DZIP1L: variants seen among roughly 807,000 people sequenced by gnomAD.
DZIP1L encodes DAZ interacting zinc finger protein 1 like, also known as cilium assembly protein DZIP1L.
Under a neutral mutation model 88.7 loss-of-function variants are expected in DZIP1L, and 90 were observed. That is an observed-to-expected ratio of 1.02 (90% CI 0.86 to 1.21). The LOEUF (loss-of-function observed/expected upper bound fraction) is 1.21. Ranked by LOEUF, DZIP1L falls within the 50% of genes most tolerant of loss-of-function variation. DZIP1L has a pLI of 0.00. For missense variants in DZIP1L, 932 were observed against 955.8 expected (o/e 0.98, Z 0.33); for synonymous variants, 363 against 372.1 (o/e 0.98, Z 0.28).
intron 14 of DZIP1L, among the ~76,000 whole-genome samples, chr3:138,066,059 A>G (rs1942884394): frequency 1.3e-5 from 2 of 152,312 alleles, no homozygotes; most frequent in South Asian, 4.1e-4. Flanking sequence ...AAAAGGGCAA[A>G]GAGCTTTCCT....
At chr3:138,071,500 G>T in intron 12 of DZIP1L, 143 bp downstream of exon 12, 2 of 935,316 alleles carry the variant, frequency 2.1e-6, no homozygotes, top group Non-Finnish European at 3.1e-6. Context: ...TCAGTCCCCT[G>T]TAAGGACCCT....
In DZIP1L at chr3:138,115,443, G is replaced by T. The variant is rs531248749; in HGVS notation, c.-197C>A. ...CACCGCCCCAGACAGCCCAGAGATG[G>T]TTCCCGGAATGCTCACCGCCCGCCG... On this transcript the variant is annotated 5_prime_UTR_variant, in exon 1 of 16. Transcript: ENST00000327532. 2 of 152,452 alleles carry T rather than the reference G, an allele frequency of 1.3e-5. No individual in the cohort carries two copies. Among genetic ancestry groups the T allele is most frequent in the South Asian group, 2.1e-4 (1 of 4,836 alleles). The allele number at this position is 152,452 out of a possible 1,614,324, so 9.4% of individuals were successfully genotyped here.
intron 12 of DZIP1L, among the ~76,000 whole-genome samples, chr3:138,070,726 A>G (rs2724708): frequency 0.78 from 118,570 of 152,154 alleles, 47,041 homozygotes; most frequent in Non-Finnish European, 0.87. Context: ...GAAGAGCTCA[A>G]ATCGGTTCTT....
chr3:138,102,294 A>C, intron 2 of DZIP1L: 1 of 1,417,036 alleles, frequency 7.1e-7, no homozygotes, highest in South Asian at 1.1e-5. Flanking sequence ...CTCCAGCTCT[A>C]CCTTATTCAT....
At chr3:138,088,973 T>C (rs1220649659) in intron 5 of DZIP1L, 18 of 985,480 alleles carry the variant, frequency 1.8e-5, no homozygotes, top group Non-Finnish European at 2.2e-5. Flanking sequence ...GAGTCATCAA[T>C]ACCTAGTGAT....
intron 12 of DZIP1L, chr3:138,069,210 C>T (rs566781590): frequency 9.6e-6 from 6 of 627,800 alleles, no homozygotes; most frequent in Non-Finnish European, 1.2e-5. Flanking sequence ...TATGATGATC[C>T]ACTTCCCCTT....
intron 9 of DZIP1L, 49 bp from the exon 10 acceptor site, chr3:138,080,669 C>T: frequency 6.3e-7 from 1 of 1,599,050 alleles, no homozygotes; most frequent in Non-Finnish European, 8.5e-7. Context: ...GGACCCCATC[C>T]CTGACTAGAA....
chr3:138,070,508 T>C (rs1331757166), intron 12 of DZIP1L, among the ~76,000 whole-genome samples: 1 of 152,206 alleles, frequency 6.6e-6, no homozygotes, highest in Non-Finnish European at 1.5e-5. Context: ...AAAATGACAA[T>C]GCTTTTAAGC....
intron 7 of DZIP1L, among the ~76,000 whole-genome samples, chr3:138,085,583 C>T (rs1576465123): frequency 6.6e-6 from 1 of 152,154 alleles, no homozygotes; most frequent in East Asian, 1.9e-4. Flanking sequence ...GTTAGAATGG[C>T]GATCATTAAA....
At chr3:138,112,694 C>G (rs1210278117) in intron 1 of DZIP1L, among the ~76,000 whole-genome samples, 2 of 152,266 alleles carry the variant, frequency 1.3e-5, no homozygotes, top group Admixed American at 6.5e-5. Context: ...CGCCTGTAAT[C>G]CCAGCACTTT....
chr3:138,110,144 T>C (rs1307555853), intron 1 of DZIP1L, among the ~76,000 whole-genome samples: 1 of 152,162 alleles, frequency 6.6e-6, no homozygotes, highest in East Asian at 1.9e-4. Flanking sequence ...TTGCTTTTGG[T>C]GTTTTAGTCA....
At chr3:138,083,801 G>A (rs1943786506) in intron 8 of DZIP1L, among the ~76,000 whole-genome samples, 1 of 152,216 alleles carries the variant, frequency 6.6e-6, no homozygotes, top group Non-Finnish European at 1.5e-5. Context: ...TGCCTACCTT[G>A]AAGGATAGTA....
intron 2 of DZIP1L, among the ~76,000 whole-genome samples, chr3:138,098,926 A>G (rs112434626): frequency 2.0e-5 from 3 of 152,184 alleles, no homozygotes; most frequent in African/African-American, 7.2e-5. Flanking sequence ...TGGGCGGATC[A>G]CTTGAGCCCA....
intron 11 of DZIP1L, among the ~76,000 whole-genome samples, chr3:138,074,089 G>A (rs1943294280): frequency 6.6e-6 from 1 of 152,152 alleles, no homozygotes; most frequent in Non-Finnish European, 1.5e-5. Flanking sequence ...AAGAATAATT[G>A]TTATTCCCAA....
At chr3:138,085,972 T>C (rs1053041777) in intron 7 of DZIP1L, among the ~76,000 whole-genome samples, 6 of 151,916 alleles carry the variant, frequency 3.9e-5, no homozygotes, top group African/African-American at 1.5e-4. Flanking sequence ...ATGGATGAAA[T>C]TGGAAATCAT....
At chr3:138,108,821 T>C (rs1313491858) in intron 1 of DZIP1L, among the ~76,000 whole-genome samples, 5 of 152,248 alleles carry the variant, frequency 3.3e-5, no homozygotes, top group Admixed American at 1.3e-4. Context: ...ACATGTGTGA[T>C]GATAAATGGC....
At chr3:138,078,911 G>A (rs1943528214) in intron 10 of DZIP1L, among the ~76,000 whole-genome samples, 1 of 152,206 alleles carries the variant, frequency 6.6e-6, no homozygotes, top group African/African-American at 2.4e-5. Flanking sequence ...CTTCCTGGGT[G>A]ATTCTTAATG....
chr3:138,095,140 G>A (rs1944411186), intron 3 of DZIP1L, among the ~76,000 whole-genome samples, 157 bp from the exon 4 acceptor site: 3 of 152,194 alleles, frequency 2.0e-5, no homozygotes, highest in South Asian at 4.1e-4. Context: ...CTGTCCCTCT[G>A]TTTCCCCAAA....
chr3:138,081,429 A>C (rs150642081), intron 9 of DZIP1L, among the ~76,000 whole-genome samples: 3 of 152,326 alleles, frequency 2.0e-5, no homozygotes, highest in African/African-American at 7.2e-5. Context: ...CATTCGCTGC[A>C]GGCATGGTGA....
Sources: allele counts gnomAD v4.1 joint callset (sites outside exome capture counted in the v4.1 genomes callset), GRCh38; gene constraint gnomAD v4.1.1; transcripts MANE v1.5; gene names NCBI Gene and HGNC (gene_info 2026-07-23, HGNC 2026-07-21).